Variants in COL8A1 observed in about 807,000 individuals in gnomAD.
COL8A1 encodes collagen type VIII alpha 1 chain.
In COL8A1, 21 loss-of-function variants were observed where a neutral mutation model predicts 42.7. That is an observed-to-expected ratio of 0.49 (90% CI 0.35 to 0.71). The LOEUF (loss-of-function observed/expected upper bound fraction) is 0.71. Ranked by LOEUF, COL8A1 falls within the 30% of genes least tolerant of loss-of-function variation. The probability of loss-of-function intolerance (pLI) is 0.01; values close to 1 mark genes in which losing one functional copy is unlikely to be tolerated. For synonymous variants in COL8A1, 367 were observed against 369.1 expected, an observed-to-expected ratio of 0.99 and a Z score of 0.06; for missense variants, 788 against 962.4, an observed-to-expected ratio of 0.82 and a Z score of 2.40.
chr3:99,694,634 T>C (rs987805936), intron 1 of COL8A1, among the ~76,000 whole-genome samples: 74 of 152,372 alleles, frequency 4.9e-4, no homozygotes, highest in African/African-American at 1.7e-3. Context: ...GTTTGTTTTA[T>C]GCCTGATAAA....
chr3:99,795,910 A>AG lies in COL8A1; in HGVS notation c.2015dup (p.Asn673GlnfsTer91). 6.2e-7 allele frequency: 1 copy of AG among 1,614,202 alleles called. No homozygotes were observed. The highest frequency in any genetic ancestry group is 8.5e-7 in the Non-Finnish European group (1 of 1,180,030). On this transcript the variant is annotated frameshift_variant, in exon 4 of 4. Coordinates refer to ENST00000652472, the MANE Select transcript of COL8A1 (RefSeq NM_020351.4). LOFTEE classifies it high-confidence loss of function. Reference sequence around the variant, plus strand: ...TACTTTGCATACCACGTTCACTGCAAGGGGGGCAACGTGTGGGTTGCTCTA... The same window carrying AG: ...TACTTTGCATACCACGTTCACTGCAAGGGGGGGCAACGTGTGGGTTGCTCTA...
At position 99,794,761 on chromosome 3, in the gene COL8A1, G is replaced by C. The variant is rs778185289; in HGVS notation, c.860G>C (p.Gly287Ala). Residue 287 changes from glycine to alanine, a missense_variant, in exon 4 of 4, where the codon GGA (glycine) becomes GCA (alanine). Physicochemically the swap from Gly to Ala is moderately conservative, Grantham distance 60 (BLOSUM62 0). Coordinates refer to ENST00000652472, the MANE Select transcript of COL8A1 (RefSeq NM_020351.4). This position sits in a 1 kb window ranked among gnomAD's most constrained non-coding sequence, Gnocchi z 4.3. The stretch of plus-strand genomic sequence containing the variant: ...TTCCCTGGGCCCCAGGGCCCCCTGG[G>C]AAAGCCAGGGGCTCCAGGAGAACCT... Reference protein sequence around the residue: ...TGFPGPQGPLGKPGAPGEPGP... With the variant: ...TGFPGPQGPLAKPGAPGEPGP... 6.3e-7 allele frequency: 1 copy of C among 1,597,060 alleles called. No homozygotes were observed. The highest frequency in any genetic ancestry group is 1.1e-5 in the South Asian group (1 of 89,568).
intron 1 of COL8A1, among the ~76,000 whole-genome samples, chr3:99,668,554 A>G (rs1468808253): frequency 6.6e-6 from 1 of 152,114 alleles, no homozygotes; most frequent in Non-Finnish European, 1.5e-5. Flanking sequence ...TGTATCTTTA[A>G]TATTTACTTT....
At chr3:99,752,707 C>T (rs1488268295) in intron 2 of COL8A1, among the ~76,000 whole-genome samples, 1 of 151,172 alleles carries the variant, frequency 6.6e-6, no homozygotes, top group Non-Finnish European at 1.5e-5. Flanking sequence ...CCCACACACA[C>T]ATGCATGTAC....
intron 1 of COL8A1, among the ~76,000 whole-genome samples, chr3:99,669,899 G>A (rs9878035): frequency 0.034 from 5,207 of 152,068 alleles, 143 homozygotes; most frequent in East Asian, 0.063. Context: ...GATACATAGA[G>A]TAATGATGAA....
intron 2 of COL8A1, among the ~76,000 whole-genome samples, chr3:99,747,133 C>CT (rs1941043075): frequency 1.3e-5 from 2 of 152,030 alleles, no homozygotes; most frequent in South Asian, 4.1e-4. Context: ...CAGAATGTAA[C>CT]TTTTTTAATT....
chr3:99,757,750 G>A (rs1156413951), intron 2 of COL8A1, among the ~76,000 whole-genome samples: 1 of 152,124 alleles, frequency 6.6e-6, no homozygotes, highest in Non-Finnish European at 1.5e-5. Flanking sequence ...GGAATTGAAT[G>A]GGATACATCT....
chr3:99,799,017 C>T lies in COL8A1; in HGVS notation c.*2881C>T, dbSNP rs1452620226. 6.6e-6 allele frequency: 1 copy of T among 152,154 alleles called. No homozygotes were observed. The highest frequency in any genetic ancestry group is 2.4e-5 in the African/African-American group (1 of 41,430). The allele number at this position is 152,154 out of a possible 1,614,324, so 9.4% of individuals were successfully genotyped here. ...GTTATGTAAATACAGAGTTTTAATG[C>T]AGTATGACATCCCACAGGGGAAAAG... On this transcript the variant is annotated 3_prime_UTR_variant, in exon 4 of 4. Transcript: ENST00000652472.
Position 99,660,706 on chromosome 3 carries a change from G to A in COL8A1, c.-129+22042G>A, listed in dbSNP as rs1032587009. ...TTAAAGTAAATCACCTGAGGTATAA[G>A]AACTAATTAGAAAGCTTAAAATAGA... On this transcript the variant is annotated intron_variant, in intron 1 of 3. Coordinates refer to ENST00000652472, the MANE Select transcript of COL8A1 (RefSeq NM_020351.4). Among the ~76,000 whole-genome samples the A allele has an allele frequency of 5.3e-5, 8 of 152,150 alleles. No homozygotes were observed. The South Asian group carries it at 6.2e-4, about 12-fold the overall frequency.
At chr3:99,695,175 TTTTA>T (rs1939332199) in intron 1 of COL8A1, among the ~76,000 whole-genome samples, 1 of 152,164 alleles carries the variant, frequency 6.6e-6, no homozygotes, top group Non-Finnish European at 1.5e-5. Context: ...CAATAATATA[TTTTA>T]TTTAGCCAAT....
chr3:99,756,727 C>A (rs1056047118), intron 2 of COL8A1, among the ~76,000 whole-genome samples: 2 of 152,160 alleles, frequency 1.3e-5, no homozygotes, highest in African/African-American at 4.8e-5. Flanking sequence ...TGAACTTGGA[C>A]TCAAAGATTT....
chr3:99,718,762 TA>T (rs1559616808), intron 1 of COL8A1, among the ~76,000 whole-genome samples: 1 of 152,002 alleles, frequency 6.6e-6, no homozygotes, highest in African/African-American at 2.4e-5. Flanking sequence ...AAAATTAGTT[TA>T]AAAAAATAAA....
chr3:99,725,099 A>G (rs946846895), intron 1 of COL8A1, among the ~76,000 whole-genome samples: 1 of 152,116 alleles, frequency 6.6e-6, no homozygotes, highest in African/African-American at 2.4e-5. Context: ...ACTATTACTG[A>G]AAGAGGCTTA....
At chr3:99,696,686 A>C (rs532684684) in intron 1 of COL8A1, among the ~76,000 whole-genome samples, 99 of 152,318 alleles carry the variant, frequency 6.5e-4, no homozygotes, top group African/African-American at 2.3e-3. Flanking sequence ...GCCATTCATC[A>C]GTCCCCGGGG....
rs1314476563 is a variant in COL8A1, at chr3:99,643,892, TCCTCGG to T, written c.-129+5233_-129+5238del. Among the ~76,000 whole-genome samples, 34 of 152,224 alleles carry T rather than the reference TCCTCGG, an allele frequency of 2.2e-4. No individual in the cohort carries two copies. In the Middle Eastern group the frequency reaches 0.01, roughly 46 times the overall value. ...TTGCCAATTTAACCATTTTGTACCT[TCCTCGG>T]CCTCTAATGAGAGAAAGAGCAAAAT... On this transcript the variant is annotated intron_variant, in intron 1 of 3. Coordinates refer to ENST00000652472, the MANE Select transcript of COL8A1 (RefSeq NM_020351.4).
chr3:99,749,138 A>G (rs985453654), intron 2 of COL8A1, among the ~76,000 whole-genome samples: 1 of 152,208 alleles, frequency 6.6e-6, no homozygotes, highest in African/African-American at 2.4e-5. Flanking sequence ...GAAAGTCCTC[A>G]GGAAAAATGA....
At chr3:99,736,655 T>C (rs1444450611) in intron 1 of COL8A1, among the ~76,000 whole-genome samples, 2 of 152,174 alleles carry the variant, frequency 1.3e-5, no homozygotes, top group Admixed American at 6.5e-5. Context: ...CTTCCAAGTA[T>C]GTGGTCAATT....
At chr3:99,684,247 C>T (rs1938980721) in intron 1 of COL8A1, among the ~76,000 whole-genome samples, 1 of 152,178 alleles carries the variant, frequency 6.6e-6, no homozygotes, top group South Asian at 2.1e-4. Context: ...GTGCCTAGTA[C>T]TGTACTGGAC....
rs9844578 is a variant in COL8A1, at chr3:99,786,460, G to C, written c.-3-4220G>C. On this transcript the variant is annotated intron_variant, in intron 2 of 3. Transcript: ENST00000652472. ...GCAAAATGGTGTCATCTATGAACCA[G>C]AAAGTGGGTCTTCACTAGACAACCA... 5.1e-3 allele frequency among the ~76,000 whole-genome samples: 769 copies of C among 152,222 alleles called. 6 individuals are homozygous for C. Among genetic ancestry groups the C allele is most frequent in the African/African-American group, 0.017 (726 of 41,534 alleles).
Sources: allele counts gnomAD v4.1 joint callset (sites outside exome capture counted in the v4.1 genomes callset), GRCh38; gene constraint gnomAD v4.1.1; non-coding constraint Gnocchi (gnomAD v3.1); transcripts MANE v1.5; gene names NCBI Gene and HGNC (gene_info 2026-07-23, HGNC 2026-07-21).